LRRC9: variants seen among roughly 807,000 people sequenced by gnomAD.
The protein encoded by LRRC9 is leucine-rich repeat-containing protein 9.
A neutral mutation model predicts 63.2 loss-of-function variants in LRRC9; 122 were observed. The ratio of observed to expected loss-of-function variants is 1.93; its 90% confidence interval spans 1.67 to 2.24. The LOEUF (loss-of-function observed/expected upper bound fraction) is 2.24, where lower values mean the gene tolerates loss of function less well. Ranked by LOEUF, LRRC9 falls within the 30% of genes most tolerant of loss-of-function variation. LRRC9 has a pLI of 0.00. For synonymous variants in LRRC9, 366 were observed against 213.1 expected (o/e 1.72, Z -6.25); for missense variants, 1,071 against 627.7 (o/e 1.71, Z -7.55).
intron 23 of LRRC9, among the ~76,000 whole-genome samples, chr14:60,014,745 G>GT (rs942666038): frequency 9.2e-5 from 14 of 151,528 alleles, no homozygotes; most frequent in South Asian, 4.2e-4. Flanking sequence ...ATGGATTTGG[G>GT]TTTTTTTTCC....
chr14:60,027,373 T>G lies in LRRC9; in HGVS notation c.3704-511T>G, dbSNP rs1478159848. ...ATAGGTTTATAAATAAGGTTTAGAG[T>G]TTTGAAGAATTAAATGAACTTTGAT... On this transcript the variant is annotated intron_variant, in intron 27 of 31. Transcript: ENST00000445360. The surrounding 1 kb of genome is among the most constrained non-coding windows in gnomAD (Gnocchi z 4.0). Among the ~76,000 whole-genome samples the G allele has an allele frequency of 2.6e-5, 4 of 151,966 alleles. No individual in the cohort carries two copies. The highest frequency in any genetic ancestry group is 9.7e-5 in the African/African-American group (4 of 41,410).
intron 28 of LRRC9, among the ~76,000 whole-genome samples, chr14:60,028,703 C>A (rs1342135348): frequency 6.6e-6 from 1 of 152,110 alleles, no homozygotes; most frequent in African/African-American, 2.4e-5. Flanking sequence ...TTTCTCTTAG[C>A]ATTTCTGTGG....
intron 16 of LRRC9, among the ~76,000 whole-genome samples, chr14:59,982,669 C>T (rs1285775603): frequency 6.6e-6 from 1 of 152,196 alleles, no homozygotes; most frequent in African/African-American, 2.4e-5. Flanking sequence ...CACATTGAAA[C>T]TATAGCACCT....
rs1371544266 is a variant in LRRC9 at position 60,051,979 on chromosome 14, T to G, written c.3991-1086T>G. ...GTGGGCTGTCACCCCACCCTGCTTT[T>G]CTTTGTTCCCCATGGATCCAGTTGA... On this transcript the variant is annotated intron_variant, in intron 29 of 31. Transcript: ENST00000445360. The surrounding 1 kb of genome is among the most constrained non-coding windows in gnomAD (Gnocchi z 4.7). Among the ~76,000 whole-genome samples, 1 of 152,212 alleles carries G rather than the reference T, an allele frequency of 6.6e-6. No individual in the cohort carries two copies. The highest frequency in any genetic ancestry group is 6.5e-5 in the Admixed American group (1 of 15,288).
intron 17 of LRRC9, among the ~76,000 whole-genome samples, chr14:59,997,332 C>A (rs1426841346): frequency 6.6e-6 from 1 of 151,930 alleles, no homozygotes; most frequent in Non-Finnish European, 1.5e-5. Context: ...AAACAAGAAG[C>A]CTATATATTA....
intron 5 of LRRC9, 54 bp from the exon 6 acceptor site, chr14:59,931,915 C>A (rs900297993): frequency 1.6e-5 from 11 of 688,346 alleles, no homozygotes; most frequent in Non-Finnish European, 2.9e-5. Flanking sequence ...AGAAGTATGA[C>A]AGAATATGAA....
chr14:60,043,401 T>C (rs1893121301), intron 29 of LRRC9, among the ~76,000 whole-genome samples: 1 of 152,208 alleles, frequency 6.6e-6, no homozygotes, highest in South Asian at 2.1e-4. Flanking sequence ...CTTCAATTTT[T>C]CCCTATTCAT....
chr14:59,969,242 T>C (rs1266027763), intron 12 of LRRC9: 3 of 152,198 alleles, frequency 2.0e-5, no homozygotes, highest in African/African-American at 7.2e-5. Context: ...TCCTTTGGCA[T>C]CCATGATATT....
In LRRC9 at chr14:59,966,959, G is replaced by A. The variant is rs1884928359; in HGVS notation, c.1389-137G>A. ...GAGCCTGTTTTTGAGGTTGAAGGCA[G>A]GGGAGCTATTAATAATGACACTAGA... On this transcript the variant is annotated intron_variant, in intron 11 of 31. Coordinates refer to ENST00000445360, the Ensembl canonical transcript of LRRC9. This position sits in a 1 kb window ranked among gnomAD's most constrained non-coding sequence, Gnocchi z 4.0. 1 of 538,878 alleles carries A rather than the reference G, an allele frequency of 1.9e-6. No individual in the cohort carries two copies. The highest frequency in any genetic ancestry group is 2.8e-5 in the East Asian group (1 of 35,808). 33.4% of individuals were successfully genotyped at this position (538,878 alleles called of 1,614,324 possible). A position where few individuals can be genotyped will look rare whatever the true frequency, so the allele number is the denominator to read the frequency against.
chr14:60,066,328 GT>G (rs1392367105), downstream of LRRC9, among the ~76,000 whole-genome samples: 1 of 151,974 alleles, frequency 6.6e-6, no homozygotes, highest in African/African-American at 2.4e-5. Context: ...AGTGTTTAAT[GT>G]TTTAAAACAT....
rs1173381844 is a variant in LRRC9, at chr14:59,942,779, T to TC, written c.727-1810_727-1809insC. Among the ~76,000 whole-genome samples the TC allele has an allele frequency of 6.9e-6, 1 of 144,510 alleles. No individual in the cohort carries two copies. Among genetic ancestry groups the TC allele is most frequent in the African/African-American group, 2.7e-5 (1 of 37,528 alleles). 94.8% of individuals were successfully genotyped at this position (144,510 alleles called of 152,430 possible). A position where few individuals can be genotyped will look rare whatever the true frequency, so the allele number is the denominator to read the frequency against. On this transcript the variant is annotated intron_variant, in intron 7 of 31. Transcript: ENST00000445360. The surrounding 1 kb of genome is among the most constrained non-coding windows in gnomAD (Gnocchi z 5.3). ...ATCCTCGCCAGCATCTCTCTCTCTC[T>TC]TTTTTTTTTCTGTCTTTTTGATAAT... is the stretch of plus-strand genomic sequence containing the variant.
At chr14:60,056,272 ACC>A (rs1439230029) in intron 30 of LRRC9, among the ~76,000 whole-genome samples, 1 of 152,218 alleles carries the variant, frequency 6.6e-6, no homozygotes, top group Non-Finnish European at 1.5e-5. Flanking sequence ...CCAGTGAAAG[ACC>A]TATGAAAATT....
rs1431282082 is a variant in LRRC9 at position 59,923,834 on chromosome 14, C to G, written c.-34+3951C>G. ...CAGGCGCCTATAGTTCCAGCGACTC[C>G]GAAGGCTGAGGCAGGAGTATGGCGT... On this transcript the variant is annotated intron_variant, in intron 1 of 31. Transcript: ENST00000445360. The surrounding 1 kb of genome is among the most constrained non-coding windows in gnomAD (Gnocchi z 4.2). Among the ~76,000 whole-genome samples, 1 of 152,034 alleles carries G rather than the reference C, an allele frequency of 6.6e-6. No homozygotes were observed. Among genetic ancestry groups the G allele is most frequent in the East Asian group, 1.9e-4 (1 of 5,184 alleles).
At chr14:59,973,930 G>A (rs219322) in intron 12 of LRRC9, among the ~76,000 whole-genome samples, 113,295 of 152,070 alleles carry the variant, frequency 0.75, 44,383 homozygotes, top group Non-Finnish European at 0.87. Context: ...AGTTCAAATC[G>A]TGACTTTGCC....
chr14:59,949,115 T>A (rs1882803496), intron 8 of LRRC9, among the ~76,000 whole-genome samples: 1 of 120,122 alleles, frequency 8.3e-6, no homozygotes, highest in Non-Finnish European at 1.7e-5. Context: ...TCTGGTAGAA[T>A]TCGGCTGTGA....
rs189591342 is a variant in LRRC9 at position 59,922,456 on chromosome 14, T to A, written c.-34+2573T>A. Among the ~76,000 whole-genome samples, 8 of 152,272 alleles carry A rather than the reference T, an allele frequency of 5.3e-5. No individual in the cohort carries two copies. In the East Asian group the frequency reaches 1.4e-3, roughly 26 times the overall value. On this transcript the variant is annotated intron_variant, in intron 1 of 31. Coordinates refer to ENST00000445360, the Ensembl canonical transcript of LRRC9. This position sits in a 1 kb window ranked among gnomAD's most constrained non-coding sequence, Gnocchi z 5.3. ...AGAATATAGGAGAGACTTTTTAAGA[T>A]AGGAAAGACTTAATATTTATATACA...
At chr14:60,048,677 A>G (rs1482122069) in intron 29 of LRRC9, among the ~76,000 whole-genome samples, 1 of 152,168 alleles carries the variant, frequency 6.6e-6, no homozygotes, top group Non-Finnish European at 1.5e-5. Flanking sequence ...AAAGCCCAGG[A>G]CCAGACAAAT....
chr14:60,019,646 A>G (rs1890964577), intron 26 of LRRC9, among the ~76,000 whole-genome samples: 1 of 151,842 alleles, frequency 6.6e-6, no homozygotes, highest in Non-Finnish European at 1.5e-5. Flanking sequence ...CTTCATCATA[A>G]ACATTTTTAT....
At chr14:59,975,994 C>T (rs925916709) in intron 13 of LRRC9, among the ~76,000 whole-genome samples, 10 of 152,188 alleles carry the variant, frequency 6.6e-5, no homozygotes, top group African/African-American at 1.4e-4. Context: ...GCATGAGCTC[C>T]GCCTCCTGTC....
Sources: allele counts gnomAD v4.1 joint callset (sites outside exome capture counted in the v4.1 genomes callset), GRCh38; gene constraint gnomAD v4.1.1; non-coding constraint Gnocchi (gnomAD v3.1); transcripts MANE v1.5; gene names NCBI Gene and HGNC (gene_info 2026-07-23, HGNC 2026-07-21).